Variants in FKBP15 observed in about 807,000 individuals in gnomAD.
FKBP15 encodes FK506-binding protein 15.
A neutral mutation model predicts 158.1 loss-of-function variants in FKBP15; 106 were observed. The ratio of observed to expected loss-of-function variants is 0.67; its 90% CI spans 0.57 to 0.79. The LOEUF (loss-of-function observed/expected upper bound fraction) is 0.79, where lower values mean the gene tolerates loss of function less well. Among genes scored for constraint, FKBP15 ranks in the 30% least tolerant of loss-of-function variants. The pLI is 0.00. For missense variants in FKBP15, 1,287 were observed against 1,479.1 expected (o/e 0.87, Z 2.13); for synonymous variants, 547 against 548.6 (o/e 1.00, Z 0.04).
intron 3 of FKBP15, 122 bp downstream of exon 3, chr9:113,207,090 T>C (rs1187236810): frequency 2.7e-6 from 2 of 730,092 alleles, no homozygotes; most frequent in African/African-American, 1.8e-5. Context: ...GTTCTACTGA[T>C]ATTTTGTCCG....
chr9:113,190,725 G>A lies in FKBP15; in HGVS notation c.1066-147C>T, dbSNP rs1304899231. 5 of 635,280 alleles carry A rather than the reference G, an allele frequency of 7.9e-6. No individual in the cohort carries two copies. The African/African-American group carries it at 9.2e-5, about 12-fold the overall frequency. The allele number at this position is 635,280 out of a possible 1,614,324, so 39.4% of individuals were successfully genotyped here. ...AACATTTCCTCTAGAAAATGAGAAAGATTTCTTGCATAGAAGTATACATGG... is the reference window on the plus strand; with the variant it reads ...AACATTTCCTCTAGAAAATGAGAAAAATTTCTTGCATAGAAGTATACATGG... On this transcript the variant is annotated intron_variant, in intron 11 of 27. Coordinates refer to ENST00000238256, the MANE Select transcript of FKBP15 (RefSeq NM_015258.2).
intron 2 of FKBP15, among the ~76,000 whole-genome samples, chr9:113,211,066 T>C (rs1308535040): frequency 6.6e-6 from 1 of 152,260 alleles, no homozygotes; most frequent in Non-Finnish European, 1.5e-5. Context: ...CTTGTGATCG[T>C]GTGAGTCAGT....
chr9:113,174,879 G>A (rs1830275682), intron 21 of FKBP15, among the ~76,000 whole-genome samples: 1 of 5,316 alleles, frequency 1.9e-4, no homozygotes, highest in Non-Finnish European at 4.3e-4. Flanking sequence ...CGGCTAAAAC[G>A]GTGAAACCCC....
chr9:113,199,458 G>A (rs1222750329), intron 7 of FKBP15, among the ~76,000 whole-genome samples: 4 of 152,048 alleles, frequency 2.6e-5, no homozygotes, highest in African/African-American at 9.7e-5. Context: ...TCTACTATAA[G>A]AAAAACTATA....
intron 20 of FKBP15, among the ~76,000 whole-genome samples, chr9:113,178,319 T>C (rs1259512198): frequency 6.6e-6 from 1 of 152,122 alleles, no homozygotes; most frequent in Non-Finnish European, 1.5e-5. Flanking sequence ...TTCCACTGAG[T>C]CATGAGTTAG....
chr9:113,186,587 G>A (rs980742033), intron 14 of FKBP15: 15 of 509,988 alleles, frequency 2.9e-5, no homozygotes, highest in Admixed American at 9.6e-5. Context: ...CCCAGAAACT[G>A]AAGAAAGTGT....
chr9:113,209,935 A>G (rs1363854758), intron 2 of FKBP15, among the ~76,000 whole-genome samples: 3 of 152,222 alleles, frequency 2.0e-5, no homozygotes, highest in African/African-American at 7.2e-5. Flanking sequence ...TCTTTTGACA[A>G]TGCTAATGAG....
At chr9:113,186,435 G>T in intron 14 of FKBP15, 72 bp from the exon 15 acceptor site, 2 of 1,172,630 alleles carry the variant, frequency 1.7e-6, no homozygotes, top group Non-Finnish European at 2.5e-6. Context: ...ATTTTTCTTT[G>T]GTGGAATAAA....
intron 9 of FKBP15, among the ~76,000 whole-genome samples, chr9:113,196,206 A>G (rs1319250620): frequency 2.0e-5 from 3 of 152,134 alleles, no homozygotes; most frequent in Non-Finnish European, 4.4e-5. Flanking sequence ...TTTTGCTATT[A>G]CTATGTGGCA....
intron 1 of FKBP15, among the ~76,000 whole-genome samples, chr9:113,213,375 C>T (rs1004177593): frequency 2.0e-5 from 3 of 151,172 alleles, no homozygotes; most frequent in African/African-American, 4.9e-5. Context: ...CGCCACTGCA[C>T]TCCAGCCTAG....
At chr9:113,219,785 T>C (rs1157608048) in intron 1 of FKBP15, among the ~76,000 whole-genome samples, 2 of 152,110 alleles carry the variant, frequency 1.3e-5, no homozygotes, top group African/African-American at 4.8e-5. Context: ...TCCCAAATAC[T>C]TTCACATAGT....
At chr9:113,175,687 G>A (rs1215090180) in intron 21 of FKBP15, among the ~76,000 whole-genome samples, 1 of 151,864 alleles carries the variant, frequency 6.6e-6, no homozygotes, top group Non-Finnish European at 1.5e-5. Context: ...CCCTTAAAAG[G>A]GTTTACAAAT....
At chr9:113,182,219 C>T (rs1405485291) in intron 19 of FKBP15, among the ~76,000 whole-genome samples, 2 of 152,050 alleles carry the variant, frequency 1.3e-5, no homozygotes, top group African/African-American at 2.4e-5. Context: ...TGAGTGGTAG[C>T]CCAAACAAGA....
chr9:113,218,377 TTATATA>T (rs10539484), intron 1 of FKBP15, among the ~76,000 whole-genome samples: 2,242 of 101,384 alleles, frequency 0.022, 62 homozygotes, highest in African/African-American at 0.076. Context: ...GTAAATACAA[TTATATA>T]TATATATATA....
chr9:113,187,710 T>C (rs1352700220), intron 14 of FKBP15, 83 bp downstream of exon 14: 4 of 1,130,086 alleles, frequency 3.5e-6, no homozygotes, highest in Admixed American at 2.1e-5. Flanking sequence ...TGCTACTGTA[T>C]GAAATGTACA....
At chr9:113,219,648 A>G (rs991370488) in intron 1 of FKBP15, among the ~76,000 whole-genome samples, 1 of 152,234 alleles carries the variant, frequency 6.6e-6, no homozygotes, top group Non-Finnish European at 1.5e-5. Flanking sequence ...TAGTTGAGCC[A>G]CCAAGAATTT....
intron 19 of FKBP15, among the ~76,000 whole-genome samples, chr9:113,179,814 T>C (rs1394316922): frequency 6.6e-6 from 1 of 152,118 alleles, no homozygotes; most frequent in Non-Finnish European, 1.5e-5. Flanking sequence ...AAATAGGCTA[T>C]AAATGAGTAT....
At chr9:113,178,519 G>T in intron 20 of FKBP15, 111 bp downstream of exon 20, 2 of 1,113,976 alleles carry the variant, frequency 1.8e-6, no homozygotes, top group South Asian at 1.7e-5. Flanking sequence ...TTTTGGTGTA[G>T]TCCTTCAAAA....
At chr9:113,200,043 C>A in intron 6 of FKBP15, 80 bp from the exon 7 acceptor site, 1 of 1,396,530 alleles carries the variant, frequency 7.2e-7, no homozygotes, top group East Asian at 2.5e-5. Context: ...TGCTCTTTCT[C>A]AAATAGCTTC....
Sources: allele counts gnomAD v4.1 joint callset (sites outside exome capture counted in the v4.1 genomes callset), GRCh38; gene constraint gnomAD v4.1.1; transcripts MANE v1.5; gene names NCBI Gene and HGNC (gene_info 2026-07-23, HGNC 2026-07-21).